VSIR: variants seen among roughly 807,000 people sequenced by gnomAD.
VSIR encodes V-set immunoregulatory receptor, also known as V-type immunoglobulin domain-containing suppressor of T-cell activation.
Under a neutral mutation model 31.0 loss-of-function variants are expected in VSIR, and 10 were observed. The ratio of observed to expected loss-of-function variants is 0.32; its 90% CI spans 0.20 to 0.55. VSIR has a LOEUF of 0.55. VSIR is among the 20% of genes least tolerant of loss of function. The probability of loss-of-function intolerance (pLI) is 0.93; values close to 1 mark genes in which losing one functional copy is unlikely to be tolerated. For missense variants in VSIR, 356 were observed against 416.2 expected (o/e 0.86, Z 1.26); for synonymous variants, 179 against 180.1 (o/e 0.99, Z 0.05).
In VSIR at chr10:71,751,798, C is replaced by T. The variant is rs1193644897; in HGVS notation, c.768G>A (p.Glu256=). ...AGGACAGGGGGTGCCTGACTTTGGC[C>T]TCGGGTATCCCCTGGGCAGGTGGTG... is the stretch of plus-strand genomic sequence containing the variant. ...EASPPAQGIP[E]AKVRHPLSYV... The change falls in exon 6 of 7, where the codon GAG becomes GAA. Residue 256 remains glutamate, a synonymous_variant. Transcript: ENST00000394957. This position sits in a 1 kb window ranked among gnomAD's most constrained non-coding sequence, Gnocchi z 4.9. The T allele has an allele frequency of 2.5e-6, 4 of 1,596,968 alleles. No homozygotes were observed. The highest frequency in any genetic ancestry group is 2.6e-6 in the Non-Finnish European group (3 of 1,171,524).
chr10:71,760,992 G>A (rs1840367776), intron 2 of VSIR, 68 bp from the exon 3 acceptor site: 1 of 1,509,026 alleles, frequency 6.6e-7, no homozygotes, highest in Non-Finnish European at 9.2e-7. Flanking sequence ...GCTTGTCCAG[G>A]CCAGTGTCCC....
chr10:71,773,279 G>T, intron 1 of VSIR, 79 bp downstream of exon 1: 1 of 1,462,446 alleles, frequency 6.8e-7, no homozygotes, highest in Non-Finnish European at 9.3e-7. Context: ...CCCCCAGGAC[G>T]CCCCCATCCC....
At chr10:71,765,760 A>C (rs573701329) in intron 1 of VSIR, among the ~76,000 whole-genome samples, 1 of 152,120 alleles carries the variant, frequency 6.6e-6, no homozygotes, top group African/African-American at 2.4e-5. Context: ...CACAGGTCCC[A>C]AAGGAGTTGT....
At chr10:71,760,709 G>T in intron 3 of VSIR, 159 bp downstream of exon 3, 1 of 688,154 alleles carries the variant, frequency 1.5e-6, no homozygotes, top group Non-Finnish European at 2.6e-6. Context: ...ATTGCACCAA[G>T]GAGGAAGCAG....
chr10:71,773,109 G>A lies in VSIR; in HGVS notation c.82+249C>T, dbSNP rs111977156. On this transcript the variant is annotated intron_variant, in intron 1 of 6. Coordinates refer to ENST00000394957, the MANE Select transcript of VSIR (RefSeq NM_022153.2). ...AGGGCTGGACAGGCAGCCCTCAGGG[G>A]ACAGCCCTGCCTGCCACTTGGGCAG... 5.0e-3 allele frequency among the ~76,000 whole-genome samples: 769 copies of A among 152,344 alleles called. 9 individuals are homozygous for A. Among genetic ancestry groups the A allele is most frequent in the African/African-American group, 0.018 (728 of 41,578 alleles).
chr10:71,760,312 C>CATAT (rs1374136520), intron 3 of VSIR, among the ~76,000 whole-genome samples: 2 of 108,450 alleles, frequency 1.8e-5, no homozygotes, highest in Non-Finnish European at 4.3e-5. Flanking sequence ...TATATACACA[C>CATAT]ACATATATAT....
Position 71,751,316 on chromosome 10 carries a change from A to C in VSIR, c.899-26T>G, listed in dbSNP as rs899177548. 1 of 1,606,222 alleles carries C rather than the reference A, an allele frequency of 6.2e-7. No homozygotes were observed. The highest frequency in any genetic ancestry group is 8.5e-7 in the Non-Finnish European group (1 of 1,175,804). On this transcript the variant is annotated intron_variant, in intron 6 of 6. Coordinates refer to ENST00000394957, the MANE Select transcript of VSIR (RefSeq NM_022153.2). The surrounding 1 kb of genome is among the most constrained non-coding windows in gnomAD (Gnocchi z 4.9). ...CTGCAAGAAAAGGAGAAGCAAAGTG[A>C]ACGGGGCCCCTCTGCCCCTCACCCT...
rs745825773 is a variant in VSIR, at chr10:71,748,849, G to T, written c.*2404C>A. On this transcript the variant is annotated 3_prime_UTR_variant, in exon 7 of 7. Transcript: ENST00000394957. The stretch of plus-strand genomic sequence containing the variant: ...CTCCCCAGCAGCAGCAGGGAGGGAC[G>T]TCCCTAGTGCGTTGTAGGCAGGGCC... 6.5e-6 allele frequency: 1 copy of T among 152,736 alleles called. No individual in the cohort carries two copies. The highest frequency in any genetic ancestry group is 1.5e-5 in the Non-Finnish European group (1 of 68,082). The allele number at this position is 152,736 out of a possible 1,614,324, so 9.5% of individuals were successfully genotyped here.
Position 71,761,703 on chromosome 10 carries a change from G to T in VSIR, c.406C>A (p.Leu136Met). Residue 136 changes from leucine to methionine, a missense_variant, in exon 2 of 7, where the codon CTG (leucine) becomes ATG (methionine). Transcript: ENST00000394957. The stretch of plus-strand genomic sequence containing the variant: ...TAGAGGCCGCTATCCAGCAGGGTCA[G>T]GTTGCGCATGGTGATGGAGAAGTTG... ...HGNFSITMRN[L>M]TLLDSGLYCC... 1 of 1,614,074 alleles carries T rather than the reference G, an allele frequency of 6.2e-7. No homozygotes were observed. Among genetic ancestry groups the T allele is most frequent in the Non-Finnish European group, 8.5e-7 (1 of 1,180,034 alleles).
chr10:71,759,432 G>A (rs1840238329), intron 3 of VSIR, among the ~76,000 whole-genome samples: 1 of 152,076 alleles, frequency 6.6e-6, no homozygotes, highest in Admixed American at 6.6e-5. Context: ...ACTTGCATCT[G>A]GAAGTTTGAG....
At position 71,751,850 on chromosome 10, in the gene VSIR, C is replaced by T. The variant is rs141431398; in HGVS notation, c.716G>A (p.Gly239Glu). 15 of 1,550,438 alleles carry T rather than the reference C, an allele frequency of 9.7e-6. No individual in the cohort carries two copies. Among genetic ancestry groups the T allele is most frequent in the African/African-American group, 1.4e-5 (1 of 72,724 alleles). ...GGCTTCAAAGCCGGGGTTTTCAATC[C>T]CTTGAATGTTGCTGCCACAGAACCA... is the stretch of plus-strand genomic sequence containing the variant. ...ELVRMDSNIQGIENPGFEASP... is the reference protein window; with the variant it reads ...ELVRMDSNIQEIENPGFEASP... Residue 239 changes from glycine (G) to glutamate (E), a missense_variant, in exon 6 of 7, where the codon GGG becomes GAG. Gly to Glu is a moderately conservative substitution (Grantham distance 98, BLOSUM62 -2). Coordinates refer to ENST00000394957, the MANE Select transcript of VSIR (RefSeq NM_022153.2). This position sits in a 1 kb window ranked among gnomAD's most constrained non-coding sequence, Gnocchi z 4.9.
chr10:71,757,222 G>C (rs997941587), intron 3 of VSIR, among the ~76,000 whole-genome samples: 2 of 152,210 alleles, frequency 1.3e-5, no homozygotes, highest in African/African-American at 4.8e-5. Context: ...AACATTTTGT[G>C]AGCTTTGCCA....
In VSIR at chr10:71,747,688, A is replaced by G. The variant is rs1214995625; in HGVS notation, c.*3565T>C. The stretch of plus-strand genomic sequence containing the variant: ...GGGAAGGGGGTGGATCAAACAAGTT[A>G]CAACACATGTGAAAGTGTGTTGGAA... On this transcript the variant is annotated 3_prime_UTR_variant, in exon 7 of 7. Coordinates refer to ENST00000394957, the MANE Select transcript of VSIR (RefSeq NM_022153.2). 6 of 152,290 alleles carry G rather than the reference A, an allele frequency of 3.9e-5. No individual in the cohort carries two copies. The highest frequency in any genetic ancestry group is 1.4e-4 in the African/African-American group (6 of 41,464). The allele number at this position is 152,290 out of a possible 1,614,324, so 9.4% of individuals were successfully genotyped here.
chr10:71,773,490 C>A lies in VSIR; in HGVS notation c.-51G>T, dbSNP rs996590606. On this transcript the variant is annotated 5_prime_UTR_variant, in exon 1 of 7. Coordinates refer to ENST00000394957, the MANE Select transcript of VSIR (RefSeq NM_022153.2). ...TTCTGGTGCCGGGGAGCGGGCGGGACGCGGCCGGCGCGGGGAAGCCTCCCG... is the reference window on the plus strand; with the variant it reads ...TTCTGGTGCCGGGGAGCGGGCGGGAAGCGGCCGGCGCGGGGAAGCCTCCCG... 2.0e-6 allele frequency: 3 copies of A among 1,526,966 alleles called. No individual in the cohort carries two copies. The Admixed American group carries it at 5.9e-5, about 30-fold the overall frequency. The allele number at this position is 1,526,966 out of a possible 1,614,324, so 94.6% of individuals were successfully genotyped here.
chr10:71,756,108 T>C (rs558252815), intron 3 of VSIR, among the ~76,000 whole-genome samples: 2 of 152,248 alleles, frequency 1.3e-5, no homozygotes, highest in South Asian at 4.1e-4. Flanking sequence ...TAGAAAAACG[T>C]GAATCCTTGT....
intron 3 of VSIR, among the ~76,000 whole-genome samples, chr10:71,759,107 G>A (rs909405093): frequency 7.2e-5 from 11 of 151,782 alleles, no homozygotes; most frequent in African/African-American, 2.4e-4. Context: ...GCGCGATCTC[G>A]GCTCACTGTA....
chr10:71,754,903 A>G (rs1840094265), intron 4 of VSIR, among the ~76,000 whole-genome samples: 1 of 152,202 alleles, frequency 6.6e-6, no homozygotes, highest in Admixed American at 6.5e-5. Flanking sequence ...TCTCATCTGG[A>G]AAAAGAAAGG....
chr10:71,758,872 A>AT (rs1840217238), intron 3 of VSIR, among the ~76,000 whole-genome samples: 1 of 151,968 alleles, frequency 6.6e-6, no homozygotes. Flanking sequence ...ACCAAAAGTG[A>AT]TTTTTTTGAT....
In VSIR at chr10:71,751,658, A is replaced by G; in HGVS notation, c.898+10T>C. On this transcript the variant is annotated intron_variant, in intron 6 of 6. Transcript: ENST00000394957. This position sits in a 1 kb window ranked among gnomAD's most constrained non-coding sequence, Gnocchi z 4.9. ...AGGTCATCGTGCTGTGAAGGTCAGG[A>G]AACACTTACCCAGGGATGGGAAGAA... 1 of 1,521,362 alleles carries G rather than the reference A, an allele frequency of 6.6e-7. No homozygotes were observed. The highest frequency in any genetic ancestry group is 8.8e-7 in the Non-Finnish European group (1 of 1,135,440). 94.2% of individuals were successfully genotyped at this position (1,521,362 alleles called of 1,614,324 possible).
Sources: allele counts gnomAD v4.1 joint callset (sites outside exome capture counted in the v4.1 genomes callset), GRCh38; gene constraint gnomAD v4.1.1; non-coding constraint Gnocchi (gnomAD v3.1); transcripts MANE v1.5; gene names NCBI Gene and HGNC (gene_info 2026-07-23, HGNC 2026-07-21).